ZNF480: variants seen among roughly 807,000 people sequenced by gnomAD.
ZNF480 encodes zinc finger protein 480.
ZNF480 carries 15 observed loss-of-function variants against 14.4 expected under a neutral mutation model. That is an observed-to-expected ratio of 1.04 (90% CI 0.70 to 1.60). The LOEUF is 1.60. Among genes scored for constraint, ZNF480 ranks in the 40% most tolerant of loss-of-function variants. ZNF480 has a pLI of 0.00. For synonymous variants in ZNF480, 218 were observed against 215.5 expected (o/e 1.01, Z -0.10); for missense variants, 593 against 629.7 (o/e 0.94, Z 0.62).
rs1426556890 is a variant in ZNF480, at chr19:52,322,731, G to A, written c.1481G>A (p.Arg494Gln). Residue 494 changes from arginine to glutamine, a missense_variant, in exon 5 of 5, where the codon CGA becomes CAA. Coordinates refer to ENST00000595962, the MANE Select transcript of ZNF480 (RefSeq NM_144684.4). ...KCNECGKVFN[R>Q]IAHLARHRKI... ...AATGAATGTGGCAAGGTCTTCAATC[G>A]AATTGCACACCTTGCACGACATCGG... 4 of 1,609,352 alleles carry A rather than the reference G, an allele frequency of 2.5e-6. No homozygotes were observed. Among genetic ancestry groups the A allele is most frequent in the South Asian group, 2.2e-5 (2 of 90,356 alleles).
chr19:52,300,408 G>A lies in ZNF480; in HGVS notation c.-5G>A, dbSNP rs1982628526. 1 of 1,549,332 alleles carries A rather than the reference G, an allele frequency of 6.5e-7. No individual in the cohort carries two copies. The highest frequency in any genetic ancestry group is 8.7e-7 in the Non-Finnish European group (1 of 1,143,254). On this transcript the variant is annotated 5_prime_UTR_variant, in exon 2 of 5. Coordinates refer to ENST00000595962, the MANE Select transcript of ZNF480 (RefSeq NM_144684.4). ...TTGACATTTAGGATTGACTTCTAAA[G>A]AGTCATGCTGTGTGATGAAAAAGCC...
intron 3 of ZNF480, 128 bp downstream of exon 3, chr19:52,314,407 A>T: frequency 1.2e-6 from 1 of 824,754 alleles, no homozygotes. Flanking sequence ...TGAACCTGGG[A>T]GGCAGAGGTT....
At chr19:52,321,412 C>T (rs920557705) in intron 4 of ZNF480, among the ~76,000 whole-genome samples, 167 bp from the exon 5 acceptor site, 1 of 152,162 alleles carries the variant, frequency 6.6e-6, no homozygotes, top group Non-Finnish European at 1.5e-5. Context: ...AACTCCAGTG[C>T]ATCACCTTAC....
At chr19:52,305,933 T>G (rs1270351085) in intron 2 of ZNF480, among the ~76,000 whole-genome samples, 1 of 152,038 alleles carries the variant, frequency 6.6e-6, no homozygotes, top group Non-Finnish European at 1.5e-5. Context: ...AGCAGATTTC[T>G]TTTTTCCCCC....
intron 3 of ZNF480, among the ~76,000 whole-genome samples, 194 bp downstream of exon 3, chr19:52,314,473 C>CAAAAAAAAAAAA (rs34349660): frequency 5.1e-4 from 34 of 66,210 alleles, no homozygotes; most frequent in African/African-American, 2.1e-3. Flanking sequence ...AACTCCGTCC[C>CAAAAAAAAAAAA]AAAAAAAAAA....
Position 52,324,815 on chromosome 19 carries a change from A to G in ZNF480, c.*1957A>G, listed in dbSNP as rs1386167321. ...ATTAAAGACTTAAATATAAAACCTA[A>G]AAGTATTAAATTCCTAGAAGAAAAC... is the stretch of plus-strand genomic sequence containing the variant. On this transcript the variant is annotated 3_prime_UTR_variant, in exon 5 of 5. Transcript: ENST00000595962. 1.3e-5 allele frequency: 2 copies of G among 152,310 alleles called. No individual in the cohort carries two copies. Among genetic ancestry groups the G allele is most frequent in the African/African-American group, 2.4e-5 (1 of 41,582 alleles). 9.4% of individuals were successfully genotyped at this position (152,310 alleles called of 1,614,324 possible).
At chr19:52,304,246 A>G (rs1982824535) in intron 2 of ZNF480, among the ~76,000 whole-genome samples, 1 of 152,230 alleles carries the variant, frequency 6.6e-6, no homozygotes, top group South Asian at 2.1e-4. Flanking sequence ...GGGATAGTAA[A>G]GAAACAGTCT....
chr19:52,323,201 C>T lies in ZNF480; in HGVS notation c.*343C>T, dbSNP rs1483151012. On this transcript the variant is annotated 3_prime_UTR_variant, in exon 5 of 5. Coordinates refer to ENST00000595962, the MANE Select transcript of ZNF480 (RefSeq NM_144684.4). Reference sequence around the variant, plus strand: ...CCTGTATGCACACAAACTAGAAAACCTAGAAAAAATTAATAAATTCCTTGA... The same window carrying T: ...CCTGTATGCACACAAACTAGAAAACTTAGAAAAAATTAATAAATTCCTTGA... The T allele has an allele frequency of 5.2e-6, 1 of 191,294 alleles. No individual in the cohort carries two copies. Among genetic ancestry groups the T allele is most frequent in the Non-Finnish European group, 1.1e-5 (1 of 94,098 alleles). 11.8% of individuals were successfully genotyped at this position (191,294 alleles called of 1,614,324 possible). A position where few individuals can be genotyped will look rare whatever the true frequency, so the allele number is the denominator to read the frequency against.
At chr19:52,319,178 A>G (rs968139369) in intron 4 of ZNF480, among the ~76,000 whole-genome samples, 3 of 151,984 alleles carry the variant, frequency 2.0e-5, no homozygotes, top group African/African-American at 7.3e-5. Context: ...TTTTACTTTA[A>G]TGGAGAATTT....
Position 52,316,194 on chromosome 19 carries a change from C to CTCTTTCTTTT in ZNF480, c.328+241_328+242insTTCTTTCTTT, listed in dbSNP as rs1555798890. 2.8e-5 allele frequency among the ~76,000 whole-genome samples: 4 copies of CTCTTTCTTTT among 142,802 alleles called. No homozygotes were observed. The East Asian group carries it at 8.2e-4, about 29-fold the overall frequency. The allele number at this position is 142,802 out of a possible 152,430, so 93.7% of individuals were successfully genotyped here. A position where few individuals can be genotyped will look rare whatever the true frequency, so the allele number is the denominator to read the frequency against. On this transcript the variant is annotated intron_variant, in intron 4 of 4. Transcript: ENST00000595962. ...GATCTTTCTTTCTCTCTCTCTCTTT[C>CTCTTTCTTTT]TCTTTCTTTCTTTCTTTCTTTCTTT...
chr19:52,316,338 T>C (rs1226214082), intron 4 of ZNF480, among the ~76,000 whole-genome samples: 7 of 152,076 alleles, frequency 4.6e-5, no homozygotes, highest in Non-Finnish European at 8.8e-5. Flanking sequence ...GGGATTCTGC[T>C]ACCTCAGCCT....
chr19:52,298,503 C>T (rs981817352), intron 1 of ZNF480, among the ~76,000 whole-genome samples: 5 of 151,990 alleles, frequency 3.3e-5, no homozygotes, highest in African/African-American at 9.7e-5. Context: ...CGTCAGCGCG[C>T]GCGTGTAATC....
chr19:52,322,899 C>T lies in ZNF480; in HGVS notation c.*41C>T, dbSNP rs977643260. The stretch of plus-strand genomic sequence containing the variant: ...CAAATGCGTCAAAGAATTTAGTGTG[C>T]ACTCAAGCCTTACTACCCATCTTTT... On this transcript the variant is annotated 3_prime_UTR_variant, in exon 5 of 5. Transcript: ENST00000595962. The T allele has an allele frequency of 6.6e-7, 1 of 1,509,030 alleles. No individual in the cohort carries two copies. Among genetic ancestry groups the T allele is most frequent in the Non-Finnish European group, 8.9e-7 (1 of 1,125,498 alleles). 93.5% of individuals were successfully genotyped at this position (1,509,030 alleles called of 1,614,324 possible). A position where few individuals can be genotyped will look rare whatever the true frequency, so the allele number is the denominator to read the frequency against.
In ZNF480 at chr19:52,322,100, G is replaced by T. The variant is rs747812092; in HGVS notation, c.850G>T (p.Glu284Ter). The T allele has an allele frequency of 6.2e-7, 1 of 1,614,020 alleles. No homozygotes were observed. The highest frequency in any genetic ancestry group is 1.1e-5 in the South Asian group (1 of 91,078). ...FARHQRIHTR[E>*]KPYECNECGK... ...ACGACATCAAAGAATTCATACCAGAGAGAAGCCGTATGAATGTAATGAATG... is the reference window on the plus strand; with the variant it reads ...ACGACATCAAAGAATTCATACCAGATAGAAGCCGTATGAATGTAATGAATG... Residue 284 changes from glutamate (E) to a stop codon, truncating the protein, a stop_gained, in exon 5 of 5, where the codon GAG becomes TAG. Transcript: ENST00000595962. LOFTEE classifies it low-confidence loss of function (END_TRUNC).
chr19:52,322,741 C>G lies in ZNF480; in HGVS notation c.1491C>G (p.His497Gln), dbSNP rs1385357290. 7 of 1,613,222 alleles carry G rather than the reference C, an allele frequency of 4.3e-6. No homozygotes were observed. In the Admixed American group the frequency reaches 1.0e-4, roughly 23 times the overall value. ...GCAAGGTCTTCAATCGAATTGCACA[C>G]CTTGCACGACATCGGAAAATTCATA... ...ECGKVFNRIA[H>Q]LARHRKIHTG... is the part of the protein sequence containing the mutation. The change falls in exon 5 of 5, where the codon CAC becomes CAG. Residue 497 changes from histidine to glutamine, a missense_variant. Coordinates refer to ENST00000595962, the MANE Select transcript of ZNF480 (RefSeq NM_144684.4).
chr19:52,298,828 A>AG (rs899782433), intron 1 of ZNF480, among the ~76,000 whole-genome samples: 8 of 151,970 alleles, frequency 5.3e-5, no homozygotes, highest in African/African-American at 1.9e-4. Context: ...GGAAAAATAA[A>AG]GGGGGAAAAA....
Position 52,323,363 on chromosome 19 carries a change from A to G in ZNF480, c.*505A>G, listed in dbSNP as rs1983938921. On this transcript the variant is annotated 3_prime_UTR_variant, in exon 5 of 5. Coordinates refer to ENST00000595962, the MANE Select transcript of ZNF480 (RefSeq NM_144684.4). ...CCAGACAGATTTATAGTTGAAGCCT[A>G]CGAGATGTATAAAGAAAAGCTGTTA... is the stretch of plus-strand genomic sequence containing the variant. 1.3e-5 allele frequency: 2 copies of G among 152,004 alleles called. No individual in the cohort carries two copies. Among genetic ancestry groups the G allele is most frequent in the African/African-American group, 4.8e-5 (2 of 41,322 alleles). The allele number at this position is 152,004 out of a possible 1,614,324, so 9.4% of individuals were successfully genotyped here. A position where few individuals can be genotyped will look rare whatever the true frequency, so the allele number is the denominator to read the frequency against.
intron 1 of ZNF480, chr19:52,298,024 GA>G: frequency 6.6e-6 from 1 of 152,222 alleles, no homozygotes; most frequent in Non-Finnish European, 1.5e-5. Flanking sequence ...GTAGCAGGGG[GA>G]AAAAAGCAAC....
At chr19:52,316,288 G>A (rs748115428) in intron 4 of ZNF480, among the ~76,000 whole-genome samples, 6 of 150,172 alleles carry the variant, frequency 4.0e-5, no homozygotes, top group South Asian at 2.1e-4. Flanking sequence ...GTGCAGTGGC[G>A]CTATCTCAGT....
Sources: allele counts gnomAD v4.1 joint callset (sites outside exome capture counted in the v4.1 genomes callset), GRCh38; gene constraint gnomAD v4.1.1; transcripts MANE v1.5; gene names NCBI Gene and HGNC (gene_info 2026-07-23, HGNC 2026-07-21).